The following COPB1 variants were observed in gnomAD, a reference collection of about 807,000 sequenced individuals.
COPB1 encodes coat protein complex I subunit beta 1.
A neutral mutation model predicts 108.7 loss-of-function variants in COPB1; 21 were observed. The observed-to-expected ratio is 0.19, with a 90% CI of 0.14 to 0.28. The LOEUF (loss-of-function observed/expected upper bound fraction) is 0.28. Ranked by LOEUF, COPB1 falls within the 10% of genes least tolerant of loss-of-function variation. The pLI is 1.00. For synonymous variants in COPB1, 378 were observed against 386.8 expected, an observed-to-expected ratio of 0.98 and a Z score of 0.27; for missense variants, 919 against 1,141.3, an observed-to-expected ratio of 0.81 and a Z score of 2.81.
In COPB1 at chr11:14,493,737, C is replaced by T; in HGVS notation, c.396G>A (p.Leu132=). Residue 132 remains leucine, a synonymous_variant, in exon 4 of 22, where the codon TTG becomes TTA. Coordinates refer to ENST00000439561, the MANE Select transcript of COPB1 (RefSeq NM_001144061.2). ...RFLCKLKEAE[L]LEPLMPAIRA... is the part of the protein sequence containing the mutation. The stretch of plus-strand genomic sequence containing the variant: ...GAATAGCTGGCATTAAAGGTTCTAG[C>T]AATTCTGCTTCTTTCAATTTGCAAA... 1 of 1,613,734 alleles carries T rather than the reference C, an allele frequency of 6.2e-7. No homozygotes were observed. Among genetic ancestry groups the T allele is most frequent in the Non-Finnish European group, 8.5e-7 (1 of 1,179,860 alleles).
rs377312739 is a variant in COPB1 at position 14,465,006 on chromosome 11, G to A, written c.2315C>T (p.Pro772Leu). 13 of 1,606,474 alleles carry A rather than the reference G, an allele frequency of 8.1e-6. No homozygotes were observed. Among genetic ancestry groups the A allele is most frequent in the Non-Finnish European group, 2.6e-6 (3 of 1,176,042 alleles). ...ATGAGGAGCAAGAGTCAAAGGAGAC[G>A]GCTTTTCCACAAGTTTCAGATCCCC... ...TLGDLKLVEK[P>L]SPLTLAPHDF... Residue 772 changes from proline to leucine, a missense_variant, in exon 18 of 22, where the codon CCG becomes CTG. Physicochemically the swap from Pro to Leu is moderately conservative, Grantham distance 98 (BLOSUM62 -3). Coordinates refer to ENST00000439561, the MANE Select transcript of COPB1 (RefSeq NM_001144061.2).
At position 14,483,148 on chromosome 11, in the gene COPB1, C is replaced by A; in HGVS notation, c.841G>T (p.Ala281Ser). The A allele has an allele frequency of 6.5e-7, 1 of 1,531,226 alleles. No individual in the cohort carries two copies. The highest frequency in any genetic ancestry group is 1.2e-5 in the South Asian group (1 of 82,586). The allele number at this position is 1,531,226 out of a possible 1,614,324, so 94.9% of individuals were successfully genotyped here. The change falls in exon 8 of 22, where the codon GCT becomes TCT. Residue 281 changes from alanine (A) to serine (S), a missense_variant. Ala to Ser is a moderately conservative substitution (Grantham distance 99). This residue lies in a region of COPB1 where 705 missense variants were observed against 817.8 expected (regional missense o/e 0.86). Coordinates refer to ENST00000439561, the MANE Select transcript of COPB1 (RefSeq NM_001144061.2). ...ATTAAATCAATGTAACACTGAGCAG[C>A]AGCCTATATAAAAAAAGAAATACAT... Reference protein sequence around the residue: ...LSSAPTAIKAAAQCYIDLIIK... With the variant: ...LSSAPTAIKASAQCYIDLIIK...
At chr11:14,490,157 T>C (rs997221855) in intron 5 of COPB1, among the ~76,000 whole-genome samples, 1 of 152,144 alleles carries the variant, frequency 6.6e-6, no homozygotes, top group Non-Finnish European at 1.5e-5. Context: ...TGTATGAAAG[T>C]TGAAGAACCT....
intron 16 of COPB1, 103 bp from the exon 17 acceptor site, chr11:14,466,529 T>C (rs554748319): frequency 1.7e-6 from 2 of 1,180,896 alleles, no homozygotes; most frequent in South Asian, 3.3e-5. Context: ...CAGAGTTGCT[T>C]AGAAGTCATT....
chr11:14,482,432 G>C (rs1400203223), intron 8 of COPB1, among the ~76,000 whole-genome samples: 1 of 152,112 alleles, frequency 6.6e-6, no homozygotes, highest in Non-Finnish European at 1.5e-5. Context: ...TCCACGAAAT[G>C]TAAATTATAT....
rs779751065 is a variant in COPB1 at position 14,476,932 on chromosome 11, C to T, written c.1442G>A (p.Arg481Lys). Residue 481 changes from arginine to lysine, a missense_variant, in exon 12 of 22, where the codon AGG becomes AAG. Coordinates refer to ENST00000439561, the MANE Select transcript of COPB1 (RefSeq NM_001144061.2). The part of the protein sequence containing the change: ...DIQSVMTEIR[R>K]SLGEIPIVES... ...AGTAAAACATACCTCTCCAAGGGAC[C>T]TGCGGATCTCAGTCATCACACTCTG... 2 of 1,605,908 alleles carry T rather than the reference C, an allele frequency of 1.2e-6. No individual in the cohort carries two copies. Among genetic ancestry groups the T allele is most frequent in the East Asian group, 2.2e-5 (1 of 44,828 alleles).
At chr11:14,485,585 G>A (rs1411455794) in intron 7 of COPB1, among the ~76,000 whole-genome samples, 3 of 152,178 alleles carry the variant, frequency 2.0e-5, no homozygotes, top group African/African-American at 4.8e-5. Context: ...GGTGGCTTAC[G>A]CCTGTAATCC....
chr11:14,458,802 T>C, intron 20 of COPB1, 115 bp from the exon 21 acceptor site: 2 of 975,124 alleles, frequency 2.1e-6, no homozygotes, highest in East Asian at 2.8e-5. Flanking sequence ...CTCACTCTGT[T>C]GTCCAGCTTG....
chr11:14,496,273 T>C (rs1851016579), intron 2 of COPB1, among the ~76,000 whole-genome samples: 1 of 152,120 alleles, frequency 6.6e-6, no homozygotes, highest in African/African-American at 2.4e-5. Flanking sequence ...AATTTTTTTT[T>C]TCTTGACAGA....
At chr11:14,485,830 A>C (rs1372560433) in intron 7 of COPB1, among the ~76,000 whole-genome samples, 1 of 152,224 alleles carries the variant, frequency 6.6e-6, no homozygotes, top group Non-Finnish European at 1.5e-5. Context: ...GTGACAAAGC[A>C]ATACCTTGTC....
chr11:14,483,258 A>ACACACC, intron 7 of COPB1, 107 bp from the exon 8 acceptor site: 1 of 557,236 alleles, frequency 1.8e-6, no homozygotes, highest in South Asian at 4.3e-5. Context: ...ACACACACAC[A>ACACACC]CTCCCATGAA....
intron 6 of COPB1, 135 bp downstream of exon 6, chr11:14,488,357 T>G (rs1850821906): frequency 7.0e-6 from 3 of 426,216 alleles, no homozygotes; most frequent in Non-Finnish European, 8.0e-6. Flanking sequence ...AAACAAAGGC[T>G]TTAATAGGCT....
At chr11:14,494,534 T>C (rs1041953716) in intron 2 of COPB1, 95 bp from the exon 3 acceptor site, 1 of 709,324 alleles carries the variant, frequency 1.4e-6, no homozygotes. Flanking sequence ...AAATGTACCT[T>C]CTTACTTCAG....
At chr11:14,482,217 C>T (rs1192414395) in intron 8 of COPB1, among the ~76,000 whole-genome samples, 1 of 152,166 alleles carries the variant, frequency 6.6e-6, no homozygotes, top group Non-Finnish European at 1.5e-5. Flanking sequence ...CTAATATACA[C>T]ACCATATTCA....
At position 14,488,563 on chromosome 11, in the gene COPB1, T is replaced by G; in HGVS notation, c.628A>C (p.Ser210Arg). The G allele has an allele frequency of 1.2e-6, 2 of 1,605,572 alleles. No homozygotes were observed. The highest frequency in any genetic ancestry group is 1.7e-6 in the Non-Finnish European group (2 of 1,174,996). The change falls in exon 6 of 22, where the codon AGT (serine) becomes CGT (arginine). Residue 210 changes from serine (S) to arginine (R), a missense_variant. Coordinates refer to ENST00000439561, the MANE Select transcript of COPB1 (RefSeq NM_001144061.2). ...ADQDRALDYLSTCIDQVQTFG... is the reference protein window; with the variant it reads ...ADQDRALDYLRTCIDQVQTFG... ...GTTTGAACTTGATCAATGCAAGTAC[T>G]TAAGTAATCCAAAGCTCGATCCTAA...
chr11:14,466,467 C>G (rs774405720), intron 16 of COPB1, 41 bp from the exon 17 acceptor site: 39 of 1,581,768 alleles, frequency 2.5e-5, no homozygotes, highest in Non-Finnish European at 3.2e-5. Flanking sequence ...ATGACAGATG[C>G]AATTTCACCA....
chr11:14,495,207 T>G (rs2134129718), intron 2 of COPB1, among the ~76,000 whole-genome samples: 1 of 152,198 alleles, frequency 6.6e-6, no homozygotes, highest in East Asian at 1.9e-4. Flanking sequence ...TTTATAGTAC[T>G]AAAAATCTTC....
intron 11 of COPB1, among the ~76,000 whole-genome samples, chr11:14,479,306 T>G (rs1025223463): frequency 2.0e-5 from 3 of 152,212 alleles, no homozygotes; most frequent in African/African-American, 7.2e-5. Flanking sequence ...TTTAAAAATA[T>G]GCTCTTTAGT....
intron 11 of COPB1, chr11:14,478,927 C>A (rs1294168149): frequency 1.0e-5 from 1 of 95,998 alleles, no homozygotes. Flanking sequence ...GTTTAGCAGG[C>A]TTTCTGGTTT....
Sources: allele counts gnomAD v4.1 joint callset (sites outside exome capture counted in the v4.1 genomes callset), GRCh38; gene constraint gnomAD v4.1.1; regional missense constraint gnomAD v4.1.1; transcripts MANE v1.5; gene names NCBI Gene and HGNC (gene_info 2026-07-23, HGNC 2026-07-21).